The following UNC13C variants were observed in gnomAD, a reference collection of about 807,000 sequenced individuals.
The protein encoded by UNC13C is protein unc-13 homolog C.
In UNC13C, 174 loss-of-function variants were observed where a neutral mutation model predicts 245.4. That is an observed-to-expected ratio of 0.71 (90% CI 0.63 to 0.80). The LOEUF (loss-of-function observed/expected upper bound fraction) is 0.80, where lower values mean the gene tolerates loss of function less well. UNC13C is among the 30% of genes least tolerant of loss of function. The pLI is 0.00. For missense variants in UNC13C, 2,829 were observed against 2,602.9 expected (o/e 1.09, Z -1.89); for synonymous variants, 992 against 895.1 (o/e 1.11, Z -1.93).
chr15:53,875,008 G>T, the UNC13C span, among the ~76,000 whole-genome samples: 2 of 152,046 alleles, frequency 1.3e-5, no homozygotes, highest in Non-Finnish European at 2.9e-5. Flanking sequence ...CAGGAGAATC[G>T]CATGAACCCG....
chr15:54,165,893 A>T (rs961421557), intron 4 of UNC13C, among the ~76,000 whole-genome samples: 12 of 151,818 alleles, frequency 7.9e-5, no homozygotes, highest in Admixed American at 7.2e-4. Flanking sequence ...GAAAGGTCAA[A>T]ATGCATCTCA....
At chr15:53,896,215 T>C in the UNC13C span, among the ~76,000 whole-genome samples, 3 of 152,086 alleles carry the variant, frequency 2.0e-5, no homozygotes, top group Admixed American at 1.3e-4. Flanking sequence ...CACTGTTTCA[T>C]TTGGTGTTTG....
At chr15:53,987,496 G>C (rs546138573) in intron 1 of UNC13C, among the ~76,000 whole-genome samples, 8 of 152,030 alleles carry the variant, frequency 5.3e-5, no homozygotes, top group Non-Finnish European at 8.8e-5. Flanking sequence ...AGAAAGGAAA[G>C]TAGAACATCA....
the UNC13C span, among the ~76,000 whole-genome samples, chr15:53,930,021 G>A: frequency 6.6e-6 from 1 of 152,138 alleles, no homozygotes; most frequent in African/African-American, 2.4e-5. Context: ...TCTGTGCATT[G>A]CCTGAGTGGT....
At chr15:54,236,353 C>G in intron 5 of UNC13C, 77 bp from the exon 6 acceptor site, 1 of 1,147,460 alleles carries the variant, frequency 8.7e-7, no homozygotes, top group East Asian at 2.4e-5. Flanking sequence ...GCTAATTTAA[C>G]ATTGTTATAC....
intron 2 of UNC13C, among the ~76,000 whole-genome samples, chr15:54,129,086 G>C (rs2031248122): frequency 6.6e-6 from 1 of 152,174 alleles, no homozygotes; most frequent in Non-Finnish European, 1.5e-5. Flanking sequence ...CCAATTTTCA[G>C]AGTTTATCAT....
chr15:54,455,108 C>T (rs1891401605), intron 19 of UNC13C, among the ~76,000 whole-genome samples: 1 of 142,772 alleles, frequency 7.0e-6, no homozygotes. Context: ...TCTCCAACTC[C>T]ATCTAGGTTG....
chr15:53,855,035 G>T, the UNC13C span, among the ~76,000 whole-genome samples: 1 of 151,992 alleles, frequency 6.6e-6, no homozygotes, highest in Non-Finnish European at 1.5e-5. Flanking sequence ...GTATTCCTAG[G>T]TGTTTTTTTC....
chr15:54,454,927 A>G (rs12595229), intron 19 of UNC13C, among the ~76,000 whole-genome samples: 67,942 of 151,232 alleles, frequency 0.45, 15,580 homozygotes, highest in East Asian at 0.71. Flanking sequence ...CGTCAGTAGT[A>G]TACACTACAC....
At chr15:54,442,403 G>T (rs924324515) in intron 19 of UNC13C, among the ~76,000 whole-genome samples, 1 of 151,552 alleles carries the variant, frequency 6.6e-6, no homozygotes, top group South Asian at 2.1e-4. Context: ...TTGTATTTTT[G>T]TAGAGACCAG....
At position 54,571,438 on chromosome 15, in the gene UNC13C, C is replaced by T. The variant is rs537923844; in HGVS notation, c.6106+3491C>T. 1.0e-3 allele frequency among the ~76,000 whole-genome samples: 158 copies of T among 152,278 alleles called. 1 individual carries two copies. The highest frequency in any genetic ancestry group is 3.5e-3 in the African/African-American group (147 of 41,568). ...ACCTCTCACCAGGTCCATCCCATGA[C>T]GTGTGGGAATTATGGGAGCTACAAT... On this transcript the variant is annotated intron_variant, in intron 30 of 32. Transcript: ENST00000260323.
rs766107610 is a variant in UNC13C at position 54,415,084 on chromosome 15, A to G, written c.4933+17A>G. On this transcript the variant is annotated intron_variant, in intron 19 of 32. Coordinates refer to ENST00000260323, the MANE Select transcript of UNC13C (RefSeq NM_001080534.3). The stretch of plus-strand genomic sequence containing the variant: ...CATTAGAAGGTAATTATAAATATTT[A>G]TACTTATTCGAATACATGTTAGAGT... 1.9e-6 allele frequency: 3 copies of G among 1,552,604 alleles called. No individual in the cohort carries two copies. In the African/African-American group the frequency reaches 4.1e-5, roughly 21 times the overall value.
rs528613889 is a variant in UNC13C at position 54,227,430 on chromosome 15, T to C, written c.3072-7600T>C. Among the ~76,000 whole-genome samples the C allele has an allele frequency of 1.3e-4, 20 of 152,260 alleles. No homozygotes were observed. The East Asian group carries it at 3.1e-3, about 24-fold the overall frequency. ...CCTGCCTGCTGCCATCAACGTACCATTCATGGCACCCAGGCTGCTTGTGCC... is the reference window on the plus strand; with the variant it reads ...CCTGCCTGCTGCCATCAACGTACCACTCATGGCACCCAGGCTGCTTGTGCC... On this transcript the variant is annotated intron_variant, in intron 4 of 32. Transcript: ENST00000260323.
At chr15:54,235,677 G>T (rs1370575831) in intron 5 of UNC13C, among the ~76,000 whole-genome samples, 1 of 151,886 alleles carries the variant, frequency 6.6e-6, no homozygotes, top group East Asian at 1.9e-4. Flanking sequence ...ATGGTGAAAC[G>T]CTGTCTCTAC....
intron 4 of UNC13C, among the ~76,000 whole-genome samples, chr15:54,156,910 T>G (rs1163325384): frequency 6.6e-6 from 1 of 151,732 alleles, no homozygotes; most frequent in Non-Finnish European, 1.5e-5. Flanking sequence ...GGATGGCAAT[T>G]CAGACTCAGC....
At chr15:54,323,652 G>T (rs1342925442) in intron 14 of UNC13C, among the ~76,000 whole-genome samples, 1 of 151,956 alleles carries the variant, frequency 6.6e-6, no homozygotes, top group Non-Finnish European at 1.5e-5. Flanking sequence ...GACTCTTGCA[G>T]AAGCTGGAAC....
intron 2 of UNC13C, among the ~76,000 whole-genome samples, chr15:54,121,536 T>C (rs933510824): frequency 6.6e-6 from 1 of 152,052 alleles, no homozygotes; most frequent in Non-Finnish European, 1.5e-5. Flanking sequence ...GTTGCAATAA[T>C]TATTTTTTAA....
intron 14 of UNC13C, among the ~76,000 whole-genome samples, chr15:54,325,727 A>C (rs369323809): frequency 6.6e-6 from 1 of 152,066 alleles, no homozygotes; most frequent in Admixed American, 6.6e-5. Flanking sequence ...AAATACCTTA[A>C]GTCTGTATTA....
chr15:54,264,770 A>T (rs921472220), intron 9 of UNC13C, among the ~76,000 whole-genome samples: 2 of 151,880 alleles, frequency 1.3e-5, no homozygotes, highest in African/African-American at 4.8e-5. Context: ...TCCTGGCTCA[A>T]CATCCCTCAT....
Sources: allele counts gnomAD v4.1 joint callset (sites outside exome capture counted in the v4.1 genomes callset), GRCh38; gene constraint gnomAD v4.1.1; transcripts MANE v1.5; gene names NCBI Gene and HGNC (gene_info 2026-07-23, HGNC 2026-07-21).